Variants in PCCA observed in about 807,000 individuals in gnomAD.
PCCA encodes the protein propionyl-CoA carboxylase alpha chain, mitochondrial.
Under a neutral mutation model 101.3 loss-of-function variants are expected in PCCA, and 74 were observed. The ratio of observed to expected loss-of-function variants is 0.73; its 90% CI spans 0.61 to 0.89. The LOEUF is 0.89. PCCA is among the 40% of genes least tolerant of loss of function. The pLI, the probability that PCCA is intolerant of heterozygous loss-of-function variation, is 0.00. For missense variants in PCCA, 891 were observed against 907.0 expected (o/e 0.98, Z 0.23); for synonymous variants, 294 against 313.6 (o/e 0.94, Z 0.66).
chr13:100,274,533 C>T (rs966378482), intron 12 of PCCA, among the ~76,000 whole-genome samples: 1 of 152,070 alleles, frequency 6.6e-6, no homozygotes, highest in African/African-American at 2.4e-5. Context: ...AGGTTCCAGC[C>T]GAGTGGGTTC....
At chr13:100,121,499 G>A (rs1443573522) in intron 4 of PCCA, among the ~76,000 whole-genome samples, 3 of 141,706 alleles carry the variant, frequency 2.1e-5, no homozygotes, top group Non-Finnish European at 4.5e-5. Context: ...TCTTGAGACC[G>A]AGTCTCATTC....
intron 8 of PCCA, 105 bp from the exon 9 acceptor site, chr13:100,257,490 A>C: frequency 1.2e-6 from 1 of 829,682 alleles, no homozygotes; most frequent in South Asian, 1.5e-5. Context: ...CTTTTAAATA[A>C]ATTAATTATT....
chr13:100,127,993 C>G (rs1056908455), intron 4 of PCCA, among the ~76,000 whole-genome samples: 2 of 152,230 alleles, frequency 1.3e-5, no homozygotes, highest in Non-Finnish European at 2.9e-5. Context: ...CAGCCTCCCT[C>G]ATTCAGACTC....
At chr13:100,196,585 A>G (rs544506185) in intron 6 of PCCA, among the ~76,000 whole-genome samples, 2 of 152,300 alleles carry the variant, frequency 1.3e-5, no homozygotes, top group South Asian at 2.1e-4. Flanking sequence ...TATACTTTAG[A>G]CTAAATGAAA....
chr13:100,201,619 G>A (rs1299956844), intron 6 of PCCA, among the ~76,000 whole-genome samples: 2 of 152,054 alleles, frequency 1.3e-5, no homozygotes, highest in Non-Finnish European at 2.9e-5. Context: ...TGCATTTTGA[G>A]AGGCTGAGGT....
At chr13:100,426,821 TTA>T (rs1194452260) in intron 20 of PCCA, among the ~76,000 whole-genome samples, 1 of 152,138 alleles carries the variant, frequency 6.6e-6, no homozygotes, top group African/African-American at 2.4e-5. Flanking sequence ...TTATATAATA[TTA>T]TATCAGTATA....
intron 12 of PCCA, among the ~76,000 whole-genome samples, chr13:100,277,741 T>C (rs992912496): frequency 6.6e-6 from 1 of 152,186 alleles, no homozygotes; most frequent in Non-Finnish European, 1.5e-5. Context: ...ATAGGCTTTT[T>C]AACCATCTGT....
chr13:100,375,474 T>A lies in PCCA; in HGVS notation c.1746+6900T>A, dbSNP rs375345970. Among the ~76,000 whole-genome samples, 158 of 152,306 alleles carry A rather than the reference T, an allele frequency of 1.0e-3. 4 individuals are homozygous for A. In the South Asian group the frequency reaches 0.03, roughly 29 times the overall value. ...TATTGACAGTGGGGTTGTTAAAATC[T>A]CCCACTATTATTGTATGGGAGTCTA... On this transcript the variant is annotated intron_variant, in intron 19 of 23. Coordinates refer to ENST00000376285, the MANE Select transcript of PCCA (RefSeq NM_000282.4).
intron 8 of PCCA, among the ~76,000 whole-genome samples, chr13:100,256,327 A>G (rs2062073365): frequency 6.6e-6 from 1 of 152,046 alleles, no homozygotes; most frequent in Admixed American, 6.6e-5. Flanking sequence ...CTGATAATAC[A>G]CTTTTCTTAA....
chr13:100,105,863 AAAAAAAAAAAAAAAG>A (rs2047732503), intron 2 of PCCA, among the ~76,000 whole-genome samples: 1 of 149,484 alleles, frequency 6.7e-6, no homozygotes, highest in Admixed American at 6.7e-5. Context: ...AAAAAAAAAA[AAAAAAAAAAAAAAAG>A]AAAAGAAAAG....
chr13:100,170,965 T>G (rs113378025), intron 6 of PCCA, among the ~76,000 whole-genome samples: 5 of 152,356 alleles, frequency 3.3e-5, no homozygotes, highest in African/African-American at 1.2e-4. Context: ...TGAGACCCTT[T>G]CAGACACTCT....
At chr13:100,347,136 A>G (rs1390994223) in intron 18 of PCCA, among the ~76,000 whole-genome samples, 1 of 152,154 alleles carries the variant, frequency 6.6e-6, no homozygotes, top group East Asian at 1.9e-4. Flanking sequence ...CGGCCATCCA[A>G]AGTGCTGGGT....
intron 7 of PCCA, among the ~76,000 whole-genome samples, chr13:100,218,370 G>A (rs2059635139): frequency 6.7e-6 from 1 of 149,512 alleles, no homozygotes; most frequent in Non-Finnish European, 1.5e-5. Context: ...GTATTTAGCA[G>A]AGACGGGTTT....
intron 21 of PCCA, among the ~76,000 whole-genome samples, chr13:100,497,188 A>G (rs1373985365): frequency 6.6e-6 from 1 of 152,258 alleles, no homozygotes; most frequent in Non-Finnish European, 1.5e-5. Context: ...CAGGATGCAC[A>G]GTTAATTTGG....
At chr13:100,189,545 G>A (rs2057589832) in intron 6 of PCCA, among the ~76,000 whole-genome samples, 1 of 152,112 alleles carries the variant, frequency 6.6e-6, no homozygotes, top group Non-Finnish European at 1.5e-5. Context: ...CACTCTGTGG[G>A]TTTTCTGTTT....
chr13:100,466,679 G>GA (rs2082545235), intron 21 of PCCA, among the ~76,000 whole-genome samples: 2 of 152,082 alleles, frequency 1.3e-5, no homozygotes, highest in Admixed American at 1.3e-4. Context: ...CCAACATGGT[G>GA]AAACCCCATC....
intron 6 of PCCA, among the ~76,000 whole-genome samples, chr13:100,187,677 TG>T (rs1314557863): frequency 2.6e-5 from 4 of 152,202 alleles, no homozygotes; most frequent in African/African-American, 4.8e-5. Context: ...ATTTTATTGT[TG>T]AAAAAAACTT....
intron 6 of PCCA, among the ~76,000 whole-genome samples, chr13:100,160,418 G>A (rs566993773): frequency 2.0e-4 from 31 of 151,698 alleles, no homozygotes; most frequent in Admixed American, 3.3e-4. Context: ...CAGGAGAATC[G>A]TTTGAGCCCG....
chr13:100,408,803 C>T (rs1447129464), intron 19 of PCCA, among the ~76,000 whole-genome samples: 1 of 152,032 alleles, frequency 6.6e-6, no homozygotes, highest in Non-Finnish European at 1.5e-5. Flanking sequence ...GGGGGTCTGG[C>T]CTAGTAAAGT....
Sources: gnomAD v4.1 joint callset for allele counts (sites outside exome capture counted in the v4.1 genomes callset) on GRCh38, gnomAD v4.1.1 for gene constraint, MANE v1.5 for transcripts, NCBI Gene and HGNC (gene_info 2026-07-23, HGNC 2026-07-21) for gene names.